The following SLC36A4 variants were observed in gnomAD, a reference collection of about 807,000 sequenced individuals.
SLC36A4 encodes the protein solute carrier family 36 member 4.
Under a neutral mutation model 50.5 loss-of-function variants are expected in SLC36A4, and 49 were observed. The ratio of observed to expected loss-of-function variants is 0.97; its 90% CI spans 0.77 to 1.23. The LOEUF is 1.23. Among genes scored for constraint, SLC36A4 ranks in the 50% most tolerant of loss-of-function variants. The probability of loss-of-function intolerance (pLI) is 0.00; values close to 1 mark genes in which losing one functional copy is unlikely to be tolerated. For missense variants in SLC36A4, 611 were observed against 608.4 expected, an observed-to-expected ratio of 1.00 and a Z score of -0.05; for synonymous variants, 207 against 206.5, an observed-to-expected ratio of 1.00 and a Z score of -0.02.
Position 93,197,897 on chromosome 11 carries a change from T to C in SLC36A4, c.-65A>G. On this transcript the variant is annotated 5_prime_UTR_variant, in exon 1 of 11. Coordinates refer to ENST00000326402, the MANE Select transcript of SLC36A4 (RefSeq NM_152313.4). ...CTCTCCCGCCGCTGCGTGGCCGGCG[T>C]CAGGCCCAGGCCTACCTCCCCTGCC... is the stretch of plus-strand genomic sequence containing the variant. 6.8e-7 allele frequency: 1 copy of C among 1,469,008 alleles called. No homozygotes were observed. Among genetic ancestry groups the C allele is most frequent in the Non-Finnish European group, 9.0e-7 (1 of 1,109,678 alleles). 91.0% of individuals were successfully genotyped at this position (1,469,008 alleles called of 1,614,324 possible).
Position 93,155,476 on chromosome 11 carries a change from A to T in SLC36A4, c.1038-1199T>A, listed in dbSNP as rs998147983. ...AATGTCAAGGTATATAAACCTTGAC[A>T]TTAATGAAGCTTTAAGTATAAATGT... On this transcript the variant is annotated intron_variant, in intron 9 of 10. Coordinates refer to ENST00000326402, the MANE Select transcript of SLC36A4 (RefSeq NM_152313.4). 3.9e-5 allele frequency: 6 copies of T among 152,160 alleles called. No individual in the cohort carries two copies. In the South Asian group the frequency reaches 6.2e-4, roughly 16 times the overall value. 9.4% of individuals were successfully genotyped at this position (152,160 alleles called of 1,614,324 possible). A position where few individuals can be genotyped will look rare whatever the true frequency, so the allele number is the denominator to read the frequency against.
rs1454271734 is a variant in SLC36A4, at chr11:93,182,955, G to T, written c.271-61C>A. 8.4e-6 allele frequency: 10 copies of T among 1,195,976 alleles called. No individual in the cohort carries two copies. The East Asian group carries it at 2.2e-4, about 26-fold the overall frequency. 74.1% of individuals were successfully genotyped at this position (1,195,976 alleles called of 1,614,324 possible). ...TAACAGAAATTGAGTAATCTTATAAGCAATGAATCAATGGATTATTCACGT... is the reference window on the plus strand; with the variant it reads ...TAACAGAAATTGAGTAATCTTATAATCAATGAATCAATGGATTATTCACGT... On this transcript the variant is annotated intron_variant, in intron 3 of 10. Coordinates refer to ENST00000326402, the MANE Select transcript of SLC36A4 (RefSeq NM_152313.4).
chr11:93,193,304 G>T (rs1404654839), intron 1 of SLC36A4, among the ~76,000 whole-genome samples: 2 of 152,032 alleles, frequency 1.3e-5, no homozygotes, highest in Non-Finnish European at 2.9e-5. Flanking sequence ...AAGAATATAT[G>T]AAATAAAAAC....
At chr11:93,153,496 G>A (rs1307520217) in intron 10 of SLC36A4, among the ~76,000 whole-genome samples, 1 of 151,792 alleles carries the variant, frequency 6.6e-6, no homozygotes, top group East Asian at 1.9e-4. Context: ...GTAAGTGATA[G>A]GCTTGACTTT....
intron 10 of SLC36A4, among the ~76,000 whole-genome samples, chr11:93,150,665 G>A (rs1303025902): frequency 3.3e-5 from 5 of 152,038 alleles, no homozygotes; most frequent in Non-Finnish European, 7.4e-5. Flanking sequence ...ACTTTATAAA[G>A]TAGATTATTC....
intron 9 of SLC36A4, among the ~76,000 whole-genome samples, chr11:93,157,095 T>G (rs1860401389): frequency 6.6e-6 from 1 of 152,212 alleles, no homozygotes; most frequent in South Asian, 2.1e-4. Context: ...ATTTATTGAA[T>G]AGCGAATCCT....
chr11:93,163,880 A>G (rs1045577229), intron 8 of SLC36A4, among the ~76,000 whole-genome samples: 15 of 152,176 alleles, frequency 9.9e-5, no homozygotes, highest in African/African-American at 3.6e-4. Flanking sequence ...TTTGTTACTC[A>G]TATTATTCCA....
intron 9 of SLC36A4, chr11:93,159,734 A>G: frequency 6.3e-6 from 5 of 794,942 alleles, no homozygotes; most frequent in Non-Finnish European, 7.6e-6. Context: ...ATTACTCATA[A>G]CTAATTTTCA....
rs1003424612 is a variant in SLC36A4 at position 93,144,620 on chromosome 11, T to G, written c.*3917A>C. 2 of 152,112 alleles carry G rather than the reference T, an allele frequency of 1.3e-5. No homozygotes were observed. Among genetic ancestry groups the G allele is most frequent in the Admixed American group, 1.3e-4 (2 of 15,244 alleles). The allele number at this position is 152,112 out of a possible 1,614,324, so 9.4% of individuals were successfully genotyped here. ...ATCATAGGGCAATAAATAGCATTTC[T>G]AGCCATTTCTTAGGCATGTTTCCTT... On this transcript the variant is annotated 3_prime_UTR_variant, in exon 11 of 11. Coordinates refer to ENST00000326402, the MANE Select transcript of SLC36A4 (RefSeq NM_152313.4).
At chr11:93,183,146 G>A (rs1268073478) in intron 3 of SLC36A4, among the ~76,000 whole-genome samples, 2 of 152,124 alleles carry the variant, frequency 1.3e-5, no homozygotes, top group Non-Finnish European at 2.9e-5. Context: ...AGACAACAAA[G>A]TAGGATAGAA....
rs748416732 is a variant in SLC36A4 at position 93,168,179 on chromosome 11, G to C, written c.541-8C>G. On this transcript the variant is annotated splice_region_variant and splice_polypyrimidine_tract_variant and intron_variant, in intron 6 of 10. Transcript: ENST00000326402. The stretch of plus-strand genomic sequence containing the variant: ...CAGGAATCCTTCATGAACCTACATA[G>C]GATTACCAGGAGAATAAAGAAGGGG... 1.9e-6 allele frequency: 3 copies of C among 1,546,678 alleles called. No individual in the cohort carries two copies. Among genetic ancestry groups the C allele is most frequent in the Non-Finnish European group, 2.6e-6 (3 of 1,138,322 alleles).
Position 93,197,941 on chromosome 11 carries a change from G to A in SLC36A4, c.-109C>T. On this transcript the variant is annotated 5_prime_UTR_variant, in exon 1 of 11. Transcript: ENST00000326402. ...CCCTGCCCGGAGGGACCCGCGCCTGGTGCCCGCCTCCCTGCCCCGGCGCTC... is the reference window on the plus strand; with the variant it reads ...CCCTGCCCGGAGGGACCCGCGCCTGATGCCCGCCTCCCTGCCCCGGCGCTC... 8.7e-7 allele frequency: 1 copy of A among 1,143,844 alleles called. No homozygotes were observed. Among genetic ancestry groups the A allele is most frequent in the Non-Finnish European group, 1.2e-6 (1 of 864,132 alleles). The allele number at this position is 1,143,844 out of a possible 1,614,324, so 70.9% of individuals were successfully genotyped here. A position where few individuals can be genotyped will look rare whatever the true frequency, so the allele number is the denominator to read the frequency against.
intron 6 of SLC36A4, among the ~76,000 whole-genome samples, chr11:93,179,101 T>C (rs759052630): frequency 3.9e-5 from 6 of 152,148 alleles, no homozygotes; most frequent in Non-Finnish European, 7.4e-5. Flanking sequence ...GCAGAGACCA[T>C]CAATACGGAA....
At chr11:93,192,817 A>G (rs948220180) in intron 1 of SLC36A4, among the ~76,000 whole-genome samples, 3 of 152,144 alleles carry the variant, frequency 2.0e-5, no homozygotes, top group Admixed American at 6.6e-5. Context: ...CCTTGGAGTG[A>G]TATCATCTGA....
chr11:93,152,885 T>C (rs1321460559), intron 10 of SLC36A4: 1 of 152,146 alleles, frequency 6.6e-6, no homozygotes, highest in Non-Finnish European at 1.5e-5. Flanking sequence ...AAAATAAATG[T>C]ATAAAAATAC....
chr11:93,185,199 T>A (rs1231385210), intron 2 of SLC36A4: 1 of 152,214 alleles, frequency 6.6e-6, no homozygotes. Flanking sequence ...GAAACAAAAA[T>A]GTTTACCTAA....
intron 2 of SLC36A4, 25 bp downstream of exon 2, chr11:93,185,666 G>A (rs773718224): frequency 6.5e-7 from 1 of 1,536,792 alleles, no homozygotes; most frequent in South Asian, 1.3e-5. Context: ...AAAAGAAAAG[G>A]AGACTTATAA....
intron 1 of SLC36A4, among the ~76,000 whole-genome samples, chr11:93,190,363 A>G (rs753179920): frequency 6.6e-6 from 1 of 152,198 alleles, no homozygotes; most frequent in Non-Finnish European, 1.5e-5. Context: ...TAACTAGAGA[A>G]ATGGATTTGA....
At chr11:93,188,645 A>G (rs1281906040) in intron 1 of SLC36A4, among the ~76,000 whole-genome samples, 1 of 152,174 alleles carries the variant, frequency 6.6e-6, no homozygotes, top group African/African-American at 2.4e-5. Flanking sequence ...TTTCCCCAGT[A>G]TTAGGTCTAC....
Sources: allele counts gnomAD v4.1 joint callset (sites outside exome capture counted in the v4.1 genomes callset), GRCh38; gene constraint gnomAD v4.1.1; transcripts MANE v1.5; gene names NCBI Gene and HGNC (gene_info 2026-07-23, HGNC 2026-07-21).